Variants in ADGRB3 observed in about 807,000 individuals in gnomAD.
ADGRB3 encodes the protein adhesion G protein-coupled receptor B3, also known as brain-specific angiogenesis inhibitor 3.
Under a neutral mutation model 193.4 loss-of-function variants are expected in ADGRB3, and 37 were observed. The ratio of observed to expected loss-of-function variants is 0.19; its 90% CI spans 0.15 to 0.25. The LOEUF (loss-of-function observed/expected upper bound fraction) is 0.25. Among genes scored for constraint, ADGRB3 ranks in the 10% least tolerant of loss-of-function variants. The probability of loss-of-function intolerance (pLI) is 1.00; values close to 1 mark genes in which losing one functional copy is unlikely to be tolerated. For synonymous variants in ADGRB3, 690 were observed against 644.2 expected (o/e 1.07, Z -1.08); for missense variants, 1,637 against 1,852.9 (o/e 0.88, Z 2.14).
intron 17 of ADGRB3, among the ~76,000 whole-genome samples, chr6:69,141,127 TTG>T (rs1561931968): frequency 1.7e-5 from 1 of 57,688 alleles, no homozygotes; most frequent in African/African-American, 5.4e-5. Context: ...TTCTTTTTTT[TTG>T]GGGGGGGCGG....
At chr6:68,858,626 A>T (rs1000377989) in intron 3 of ADGRB3, among the ~76,000 whole-genome samples, 2 of 151,206 alleles carry the variant, frequency 1.3e-5, no homozygotes, top group African/African-American at 4.9e-5. Context: ...GCATAAATAC[A>T]ATTTTACAGT....
intron 17 of ADGRB3, among the ~76,000 whole-genome samples, chr6:69,204,113 C>G (rs1294537771): frequency 6.6e-6 from 1 of 152,056 alleles, no homozygotes; most frequent in African/African-American, 2.4e-5. Flanking sequence ...AAGCACTAAC[C>G]TTTCTTCTGG....
At chr6:69,302,529 G>T (rs1207138155) in intron 20 of ADGRB3, among the ~76,000 whole-genome samples, 1 of 151,790 alleles carries the variant, frequency 6.6e-6, no homozygotes, top group East Asian at 1.9e-4. Flanking sequence ...AACACTGAAG[G>T]CATCAAAGTG....
chr6:69,273,681 G>C (rs553842560), intron 20 of ADGRB3, among the ~76,000 whole-genome samples: 1 of 152,286 alleles, frequency 6.6e-6, no homozygotes, highest in Admixed American at 6.5e-5. Context: ...AAGTTTCTTT[G>C]TGTGCCTCCG....
At chr6:69,264,923 G>A (rs894324738) in intron 20 of ADGRB3, among the ~76,000 whole-genome samples, 1 of 151,808 alleles carries the variant, frequency 6.6e-6, no homozygotes, top group African/African-American at 2.4e-5. Flanking sequence ...AGTCCCATTG[G>A]TTTATTCCCA....
chr6:68,897,857 A>G (rs1044697748), intron 3 of ADGRB3, among the ~76,000 whole-genome samples: 1 of 146,232 alleles, frequency 6.8e-6, no homozygotes, highest in Non-Finnish European at 1.5e-5. Context: ...AGAAGAAAAC[A>G]AAAGAAAAAA....
In ADGRB3 at chr6:69,022,250, A is replaced by C. The variant is rs980083476; in HGVS notation, c.2107+3751A>C. On this transcript the variant is annotated intron_variant, in intron 13 of 31. Transcript: ENST00000370598. Reference sequence around the variant, plus strand: ...AAATTATATTTGAAATGTTTTAACTATCTGCATAGGTAAGTGGTTTTTGTT... The same window carrying C: ...AAATTATATTTGAAATGTTTTAACTCTCTGCATAGGTAAGTGGTTTTTGTT... Among the ~76,000 whole-genome samples, 5 of 151,938 alleles carry C rather than the reference A, an allele frequency of 3.3e-5. No homozygotes were observed. In the South Asian group the frequency reaches 1.0e-3, roughly 31 times the overall value.
At chr6:69,094,563 G>T (rs1772814583) in intron 17 of ADGRB3, among the ~76,000 whole-genome samples, 1 of 152,110 alleles carries the variant, frequency 6.6e-6, no homozygotes, top group Admixed American at 6.5e-5. Flanking sequence ...TTATTCAGCT[G>T]CTGTTGAAAG....
chr6:68,928,689 T>G (rs1374266321), intron 3 of ADGRB3, among the ~76,000 whole-genome samples: 1 of 152,216 alleles, frequency 6.6e-6, no homozygotes, highest in Non-Finnish European at 1.5e-5. Flanking sequence ...ACATAATTAA[T>G]TTGTAGGCAT....
intron 17 of ADGRB3, among the ~76,000 whole-genome samples, chr6:69,112,322 T>C (rs1410127990): frequency 2.0e-5 from 3 of 152,202 alleles, no homozygotes; most frequent in African/African-American, 4.8e-5. Flanking sequence ...ATAAACAGTT[T>C]CTTTTAGGAA....
chr6:68,955,797 G>GA (rs577515699), intron 6 of ADGRB3, among the ~76,000 whole-genome samples: 282 of 137,938 alleles, frequency 2.0e-3, no homozygotes, highest in Middle Eastern at 0.011. Flanking sequence ...ATCTCCAAAT[G>GA]AAAAAAAAAA....
chr6:68,941,922 T>TTATATATA (rs144561594), intron 5 of ADGRB3, among the ~76,000 whole-genome samples: 1 of 148,098 alleles, frequency 6.8e-6, no homozygotes, highest in African/African-American at 2.5e-5. Context: ...AGACTTACTT[T>TTATATATA]TATATATATA....
chr6:68,837,991 C>T (rs505948), intron 3 of ADGRB3, among the ~76,000 whole-genome samples: 32,633 of 151,988 alleles, frequency 0.21, 4,053 homozygotes, highest in East Asian at 0.58. Context: ...TCTTGATTTT[C>T]CCACACTTCT....
chr6:69,225,729 G>A (rs1035253981), intron 17 of ADGRB3, among the ~76,000 whole-genome samples: 1 of 152,118 alleles, frequency 6.6e-6, no homozygotes, highest in Admixed American at 6.5e-5. Flanking sequence ...GGATGTGGGA[G>A]CTTAATTTAT....
chr6:68,769,633 C>A (rs1012351764), intron 3 of ADGRB3, among the ~76,000 whole-genome samples: 1 of 152,032 alleles, frequency 6.6e-6, no homozygotes, highest in Non-Finnish European at 1.5e-5. Flanking sequence ...CACGTGTATA[C>A]CTATGTAAGA....
At chr6:69,063,222 T>A (rs1049598661) in intron 16 of ADGRB3, among the ~76,000 whole-genome samples, 186 bp downstream of exon 16, 1 of 152,054 alleles carries the variant, frequency 6.6e-6, no homozygotes, top group Admixed American at 6.6e-5. Flanking sequence ...GATAAAATTC[T>A]CTTCAATTTA....
intron 17 of ADGRB3, among the ~76,000 whole-genome samples, chr6:69,184,344 A>C (rs1582526891): frequency 6.6e-6 from 1 of 152,152 alleles, no homozygotes; most frequent in Admixed American, 6.6e-5. Context: ...TTGAGAAAAC[A>C]TGCAAGTGCA....
intron 27 of ADGRB3, 123 bp downstream of exon 27, chr6:69,354,451 A>G (rs1448356284): frequency 1.3e-5 from 10 of 763,428 alleles, no homozygotes; most frequent in Non-Finnish European, 2.2e-5. Context: ...CAGTTCATTA[A>G]TAGACTGTGA....
At chr6:69,122,568 C>G (rs1773742272) in intron 17 of ADGRB3, among the ~76,000 whole-genome samples, 1 of 147,000 alleles carries the variant, frequency 6.8e-6, no homozygotes, top group Non-Finnish European at 1.5e-5. Flanking sequence ...GCTTGTTTCT[C>G]TTACTTCACA....
Sources: allele counts gnomAD v4.1 joint callset (sites outside exome capture counted in the v4.1 genomes callset), GRCh38; gene constraint gnomAD v4.1.1; transcripts MANE v1.5; gene names NCBI Gene and HGNC (gene_info 2026-07-23, HGNC 2026-07-21).